KLC1: variants seen among roughly 807,000 people sequenced by gnomAD.
KLC1 encodes kinesin light chain 1, also known as kinesin 2 60/70kDa.
Under a neutral mutation model 84.2 loss-of-function variants are expected in KLC1, and 30 were observed. The ratio of observed to expected loss-of-function variants is 0.36; its 90% CI spans 0.27 to 0.48. The LOEUF is 0.48. KLC1 is among the 20% of genes least tolerant of loss of function. KLC1 has a pLI of 0.99. For missense variants in KLC1, 499 were observed against 805.4 expected (o/e 0.62, Z 4.60); for synonymous variants, 289 against 293.3 (o/e 0.99, Z 0.15).
chr14:103,677,619 G>C, intron 12 of KLC1, 96 bp downstream of exon 12: 1 of 770,246 alleles, frequency 1.3e-6, no homozygotes, highest in Non-Finnish European at 2.2e-6. Flanking sequence ...TTTAGAAATA[G>C]AAAATGTTGA....
intron 1 of KLC1, among the ~76,000 whole-genome samples, chr14:103,640,344 G>A (rs1156274131): frequency 6.6e-6 from 1 of 152,056 alleles, no homozygotes; most frequent in Non-Finnish European, 1.5e-5. Flanking sequence ...ACAGGCATGA[G>A]CCACTGCCCC....
rs756095186 is a variant in KLC1 at position 103,699,527 on chromosome 14, C to T, written c.1849-1128C>T. On this transcript the variant is annotated intron_variant, in intron 15 of 16. Transcript: ENST00000334553. The stretch of plus-strand genomic sequence containing the variant: ...GATGACCACCAGGCGAGCCATGCCC[C>T]GAGACAGCAGTACGGGGACCTTCTT... 1.7e-5 allele frequency: 27 copies of T among 1,613,356 alleles called. No individual in the cohort carries two copies. In the East Asian group the frequency reaches 4.0e-4, roughly 24 times the overall value.
intron 1 of KLC1, among the ~76,000 whole-genome samples, chr14:103,647,473 G>A (rs1401499129): frequency 2.0e-5 from 3 of 151,728 alleles, no homozygotes; most frequent in African/African-American, 4.8e-5. Flanking sequence ...CAAGTAATCC[G>A]CCTGCCTGGG....
At chr14:103,670,054 G>A (rs1405437307) in intron 6 of KLC1, 128 bp from the exon 7 acceptor site, 2 of 633,570 alleles carry the variant, frequency 3.2e-6, no homozygotes, top group Non-Finnish European at 5.5e-6. Flanking sequence ...TTTAACTGAA[G>A]TCATATTGTT....
chr14:103,673,307 A>T (rs934746655), intron 8 of KLC1, 25 bp from the exon 9 acceptor site: 19 of 1,535,308 alleles, frequency 1.2e-5, no homozygotes, highest in Non-Finnish European at 1.7e-5. Context: ...AAGATATGAA[A>T]TATTTTATTT....
rs529825639 is a variant in KLC1, at chr14:103,698,893, G to A, written c.1849-1762G>A. Reference sequence around the variant, plus strand: ...GGCAGGTGGGGGGCAGAGAGCACCCGCAGGGTCCGGGCTGGGCAGCCGAGG... The same window carrying A: ...GGCAGGTGGGGGGCAGAGAGCACCCACAGGGTCCGGGCTGGGCAGCCGAGG... On this transcript the variant is annotated intron_variant, in intron 15 of 16. Coordinates refer to ENST00000334553, the MANE Select transcript of KLC1 (RefSeq NM_001394837.1). The A allele has an allele frequency of 1.4e-5, 22 of 1,603,010 alleles. No individual in the cohort carries two copies. Among genetic ancestry groups the A allele is most frequent in the South Asian group, 8.9e-5 (8 of 89,410 alleles).
chr14:103,680,833 A>T (rs1273295217), intron 13 of KLC1, among the ~76,000 whole-genome samples: 4 of 152,192 alleles, frequency 2.6e-5, no homozygotes, highest in African/African-American at 9.7e-5. Flanking sequence ...GCAGATTGTG[A>T]TCCTCTTGAA....
At chr14:103,631,827 G>T (rs1320407042) in intron 1 of KLC1, among the ~76,000 whole-genome samples, 1 of 151,518 alleles carries the variant, frequency 6.6e-6, no homozygotes, top group Non-Finnish European at 1.5e-5. Context: ...TCAAACTGCT[G>T]ACCTCAGGCG....
chr14:103,643,335 T>C (rs1202177499), intron 1 of KLC1, among the ~76,000 whole-genome samples: 1 of 152,088 alleles, frequency 6.6e-6, no homozygotes, highest in Non-Finnish European at 1.5e-5. Context: ...TGACTGTGTG[T>C]GGAGGTGGTG....
At chr14:103,699,615 G>GCTGTCATTGTCTATGC in intron 15 of KLC1, 1 of 1,607,180 alleles carries the variant, frequency 6.2e-7, no homozygotes, top group Non-Finnish European at 8.5e-7. Flanking sequence ...TGGTCAGCAA[G>GCTGTCATTGTCTATGC]TCCCCGCCCC....
At chr14:103,681,986 C>T (rs140400130) in intron 13 of KLC1, among the ~76,000 whole-genome samples, 1 of 152,158 alleles carries the variant, frequency 6.6e-6, no homozygotes, top group African/African-American at 2.4e-5. Flanking sequence ...CAAACCGTTA[C>T]CACTGTAGCC....
chr14:103,659,170 G>A (rs534200651), intron 3 of KLC1, among the ~76,000 whole-genome samples: 1 of 148,046 alleles, frequency 6.8e-6, no homozygotes, highest in South Asian at 2.1e-4. Flanking sequence ...TAGAGATGGG[G>A]TTTCACCATG....
chr14:103,700,834 G>A, intron 16 of KLC1, 107 bp downstream of exon 16: 1 of 927,260 alleles, frequency 1.1e-6, no homozygotes. Context: ...GGTGACTGCT[G>A]CTAGCTGCCA....
Position 103,662,185 on chromosome 14 carries a change from G to A in KLC1, c.562G>A (p.Gly188Arg). ...DLFPNDEDDPGQGIQQQHSSA... is the reference protein window; with the variant it reads ...DLFPNDEDDPRQGIQQQHSSA... ...TTTCCCCAATGATGAAGACGACCCAGGGCAAGGAAGTGAGTGATGGGTGAT... is the reference window on the plus strand; with the variant it reads ...TTTCCCCAATGATGAAGACGACCCAAGGCAAGGAAGTGAGTGATGGGTGAT... The change falls in exon 4 of 17, where the codon GGG becomes AGG. Residue 188 changes from glycine (G) to arginine (R), a missense_variant. Coordinates refer to ENST00000334553, the MANE Select transcript of KLC1 (RefSeq NM_001394837.1). 6.2e-7 allele frequency: 1 copy of A among 1,612,258 alleles called. No homozygotes were observed. Among genetic ancestry groups the A allele is most frequent in the Non-Finnish European group, 8.5e-7 (1 of 1,178,306 alleles).
intron 13 of KLC1, chr14:103,685,807 G>T (rs1053339311): frequency 9.9e-6 from 12 of 1,209,530 alleles, no homozygotes; most frequent in African/African-American, 1.6e-5. Flanking sequence ...GTCCTTTTTG[G>T]GGGGGTTCCT....
intron 1 of KLC1, among the ~76,000 whole-genome samples, chr14:103,653,350 C>G (rs2078607485): frequency 6.6e-6 from 1 of 152,154 alleles, no homozygotes; most frequent in Non-Finnish European, 1.5e-5. Flanking sequence ...TAGGCAGAGT[C>G]TCGCTCTGTC....
At chr14:103,680,741 G>A (rs1431779855) in intron 13 of KLC1, among the ~76,000 whole-genome samples, 1 of 152,180 alleles carries the variant, frequency 6.6e-6, no homozygotes, top group Non-Finnish European at 1.5e-5. Flanking sequence ...ACTGTGTACT[G>A]TACTCTTCTC....
intron 14 of KLC1, chr14:103,687,596 T>G (rs1228099155): frequency 1.3e-5 from 2 of 154,004 alleles, no homozygotes; most frequent in Non-Finnish European, 1.4e-5. Context: ...TTTAAAAATT[T>G]TAATCTTTTA....
intron 15 of KLC1, chr14:103,695,521 C>A: frequency 1.0e-6 from 1 of 985,268 alleles, no homozygotes; most frequent in Non-Finnish European, 1.2e-6. Context: ...CCGGAGCTTC[C>A]CTTGTGGTGG....
Sources: allele counts gnomAD v4.1 joint callset (sites outside exome capture counted in the v4.1 genomes callset), GRCh38; gene constraint gnomAD v4.1.1; transcripts MANE v1.5; gene names NCBI Gene and HGNC (gene_info 2026-07-23, HGNC 2026-07-21).